Variants in UFL1 observed in about 807,000 individuals in gnomAD.
UFL1 encodes UFM1 specific ligase 1.
UFL1 carries 78 observed loss-of-function variants against 99.3 expected under a neutral mutation model. That is an observed-to-expected ratio of 0.79 (90% confidence interval 0.65 to 0.95). The LOEUF (loss-of-function observed/expected upper bound fraction) is 0.95, where lower values mean the gene tolerates loss of function less well. Among genes scored for constraint, UFL1 ranks in the 40% least tolerant of loss-of-function variants. The pLI is 0.00. For missense variants in UFL1, 936 were observed against 937.0 expected, an observed-to-expected ratio of 1.00 and a Z score of 0.01; for synonymous variants, 335 against 322.2, an observed-to-expected ratio of 1.04 and a Z score of -0.42.
intron 9 of UFL1, among the ~76,000 whole-genome samples, chr6:96,538,269 G>A (rs1190594640): frequency 6.6e-6 from 1 of 151,814 alleles, no homozygotes; most frequent in African/African-American, 2.4e-5. Flanking sequence ...GATAATTTCA[G>A]ATAGGAGAAA....
chr6:96,553,678 A>G lies in UFL1; in HGVS notation c.*175A>G. The G allele has an allele frequency of 2.2e-6, 1 of 446,994 alleles. No homozygotes were observed. Among genetic ancestry groups the G allele is most frequent in the African/African-American group, 2.0e-5 (1 of 50,288 alleles). The allele number at this position is 446,994 out of a possible 1,614,324, so 27.7% of individuals were successfully genotyped here. A position where few individuals can be genotyped will look rare whatever the true frequency, so the allele number is the denominator to read the frequency against. ...TAAATGTAAATCTTAAAAAGATGTG[A>G]ATTTTTGTAAATTGGGTTCTTCATG... On this transcript the variant is annotated 3_prime_UTR_variant, in exon 19 of 19. Transcript: ENST00000369278.
chr6:96,552,464 G>C lies in UFL1; in HGVS notation c.1986-18G>C. ...TTAAATTATGATAATGAATTTGTGTGCTTTTTTTTTTTTTTAGACAGATAC... is the reference window on the plus strand; with the variant it reads ...TTAAATTATGATAATGAATTTGTGTCCTTTTTTTTTTTTTTAGACAGATAC... On this transcript the variant is annotated intron_variant, in intron 17 of 18. Transcript: ENST00000369278. The C allele has an allele frequency of 6.9e-7, 1 of 1,448,460 alleles. No individual in the cohort carries two copies. Among genetic ancestry groups the C allele is most frequent in the South Asian group, 1.3e-5 (1 of 77,654 alleles). The allele number at this position is 1,448,460 out of a possible 1,614,324, so 89.7% of individuals were successfully genotyped here.
chr6:96,547,809 G>C (rs909415712), intron 12 of UFL1, among the ~76,000 whole-genome samples: 1 of 145,234 alleles, frequency 6.9e-6, no homozygotes, highest in East Asian at 2.0e-4. Context: ...AAGGGAAGTT[G>C]GGGGGGGGCG....
At position 96,540,216 on chromosome 6, in the gene UFL1, T is replaced by C. The variant is rs535661176; in HGVS notation, c.1159-319T>C. Reference sequence around the variant, plus strand: ...TCAAAAAGCGAAGGAGCATGGGGCATCAATTAAGCTGTGGTAAAACCAGCC... The same window carrying C: ...TCAAAAAGCGAAGGAGCATGGGGCACCAATTAAGCTGTGGTAAAACCAGCC... On this transcript the variant is annotated intron_variant, in intron 10 of 18. Transcript: ENST00000369278. 1.8e-4 allele frequency among the ~76,000 whole-genome samples: 28 copies of C among 151,538 alleles called. 1 individual carries two copies. The South Asian group carries it at 5.6e-3, about 30-fold the overall frequency.
In UFL1 at chr6:96,523,185, G is replaced by A; in HGVS notation, c.117G>A (p.Leu39=). 6.2e-7 allele frequency: 1 copy of A among 1,612,458 alleles called. No homozygotes were observed. The highest frequency in any genetic ancestry group is 8.5e-7 in the Non-Finnish European group (1 of 1,179,264). The change falls in exon 2 of 19, where the codon TTG becomes TTA. Residue 39 remains leucine, a synonymous_variant. Coordinates refer to ENST00000369278, the MANE Select transcript of UFL1 (RefSeq NM_015323.5). Reference sequence around the variant, plus strand: ...ACTGCATTGAGATTGTTAATAAATTGATTGCTCAGAAACAGCTAGAAGTAG... The same window carrying A: ...ACTGCATTGAGATTGTTAATAAATTAATTGCTCAGAAACAGCTAGAAGTAG... ...ERNCIEIVNK[L]IAQKQLEVVH...
At chr6:96,539,612 T>C (rs1042351003) in intron 10 of UFL1, among the ~76,000 whole-genome samples, 12 of 151,600 alleles carry the variant, frequency 7.9e-5, no homozygotes, top group African/African-American at 2.9e-4. Context: ...TGTATGACTT[T>C]GGACAAATAG....
chr6:96,525,439 C>A, intron 4 of UFL1, 45 bp downstream of exon 4: 5 of 1,464,894 alleles, frequency 3.4e-6, no homozygotes, highest in Non-Finnish European at 4.7e-6. Flanking sequence ...TGTTTATTTT[C>A]TTTCTTTTTT....
intron 13 of UFL1, among the ~76,000 whole-genome samples, chr6:96,548,707 A>G (rs2127953199): frequency 6.6e-6 from 1 of 151,876 alleles, no homozygotes; most frequent in East Asian, 1.9e-4. Flanking sequence ...ATTCACTTCA[A>G]AAAGAATAAA....
At chr6:96,549,930 G>GT (rs1770054790) in intron 15 of UFL1, 131 bp downstream of exon 15, 1 of 1,292,680 alleles carries the variant, frequency 7.7e-7, no homozygotes, top group South Asian at 1.5e-5. Context: ...AAATCTAAAA[G>GT]TTTTTTATTC....
Position 96,546,377 on chromosome 6 carries a change from A to G in UFL1, c.1403-1787A>G, listed in dbSNP as rs80340649. 5.1e-3 allele frequency among the ~76,000 whole-genome samples: 778 copies of G among 151,484 alleles called. 11 individuals are homozygous for G. Among genetic ancestry groups the G allele is most frequent in the African/African-American group, 0.018 (739 of 41,472 alleles). ...GAAAGAAATCGTAGATGACACAAAC[A>G]AATAGAAAGACACCCCAGGCTCATG... On this transcript the variant is annotated intron_variant, in intron 12 of 18. Coordinates refer to ENST00000369278, the MANE Select transcript of UFL1 (RefSeq NM_015323.5).
At chr6:96,547,015 T>G (rs146263224) in intron 12 of UFL1, among the ~76,000 whole-genome samples, 1 of 151,780 alleles carries the variant, frequency 6.6e-6, no homozygotes, top group African/African-American at 2.4e-5. Context: ...ACTAAAAAGT[T>G]TCTGCACAGC....
rs935199510 is a variant in UFL1, at chr6:96,523,204, G to T, written c.136G>T (p.Glu46Ter). ...TAAATTGATTGCTCAGAAACAGCTA[G>T]AAGTAGTTCATACACTCGATGGAAA... ...VNKLIAQKQL[E>*]VVHTLDGKEY... Residue 46 changes from glutamate to a stop codon, truncating the protein, a stop_gained, in exon 2 of 19, where the codon GAA becomes TAA. Coordinates refer to ENST00000369278, the MANE Select transcript of UFL1 (RefSeq NM_015323.5). LOFTEE classifies it high-confidence loss of function. 1 of 1,613,288 alleles carries T rather than the reference G, an allele frequency of 6.2e-7. No homozygotes were observed. The highest frequency in any genetic ancestry group is 1.3e-5 in the African/African-American group (1 of 74,850).
Position 96,551,566 on chromosome 6 carries a change from G to T in UFL1, c.1899+53G>T, listed in dbSNP as rs574949995. On this transcript the variant is annotated intron_variant, in intron 16 of 18. Coordinates refer to ENST00000369278, the MANE Select transcript of UFL1 (RefSeq NM_015323.5). ...GTCAGGGCTAGCAGTTTGTTACAAAGATCTTTGAGTAGATTTTTTTATCAG... is the reference window on the plus strand; with the variant it reads ...GTCAGGGCTAGCAGTTTGTTACAAATATCTTTGAGTAGATTTTTTTATCAG... The T allele has an allele frequency of 4.7e-5, 58 of 1,226,600 alleles. No homozygotes were observed. The African/African-American group carries it at 8.1e-4, about 17-fold the overall frequency. 76.0% of individuals were successfully genotyped at this position (1,226,600 alleles called of 1,614,324 possible).
intron 1 of UFL1, among the ~76,000 whole-genome samples, chr6:96,522,204 T>A (rs1008108230): frequency 4.6e-5 from 7 of 152,116 alleles, no homozygotes; most frequent in African/African-American, 1.7e-4. Context: ...CGCCCCACCA[T>A]GGACGGGGCC....
rs1237139365 is a variant in UFL1 at position 96,534,272 on chromosome 6, T to G, written c.606T>G (p.Ala202=). 8 of 1,577,788 alleles carry G rather than the reference T, an allele frequency of 5.1e-6. No individual in the cohort carries two copies. The East Asian group carries it at 1.6e-4, about 31-fold the overall frequency. Residue 202 remains alanine, a synonymous_variant, in exon 7 of 19, where the codon GCT becomes GCG. Transcript: ENST00000369278. The part of the protein sequence containing the change: ...GLFSAITRPT[A]VNSLISKYGF... ...TTAACTTTCCATAAAGGCCTACAGC[T>G]GTGAATTCTTTGATTTCAAAATATG...
At chr6:96,539,773 TA>T (rs1769904749) in intron 10 of UFL1, among the ~76,000 whole-genome samples, 1 of 151,592 alleles carries the variant, frequency 6.6e-6, no homozygotes. Flanking sequence ...TTTACTCAAG[TA>T]AAAATTTAAC....
Position 96,523,276 on chromosome 6 carries a change from C to G in UFL1, c.208C>G (p.Leu70Val), listed in dbSNP as rs1769651511. 5.0e-6 allele frequency: 8 copies of G among 1,603,874 alleles called. No homozygotes were observed. Among genetic ancestry groups the G allele is most frequent in the Non-Finnish European group, 6.0e-6 (7 of 1,176,196 alleles). The change falls in exon 2 of 19, where the codon CTA (leucine) becomes GTA (valine). Residue 70 changes from leucine to valine, a missense_variant. Physicochemically the swap from Leu to Val is conservative, Grantham distance 32. Coordinates refer to ENST00000369278, the MANE Select transcript of UFL1 (RefSeq NM_015323.5). ...AQISKEMRDE[L>V]HVRGGRVNIV... ...AATTAGTAAAGAAATGAGAGATGAGCTACATGTCCGAGGTGGTAGGTAATT... is the reference window on the plus strand; with the variant it reads ...AATTAGTAAAGAAATGAGAGATGAGGTACATGTCCGAGGTGGTAGGTAATT...
chr6:96,540,228 T>C (rs1769911811), intron 10 of UFL1, among the ~76,000 whole-genome samples: 1 of 151,454 alleles, frequency 6.6e-6, no homozygotes, highest in Admixed American at 6.6e-5. Context: ...AATTAAGCTG[T>C]GGTAAAACCA....
intron 4 of UFL1, among the ~76,000 whole-genome samples, chr6:96,525,965 A>T (rs1000950850): frequency 2.0e-5 from 3 of 152,090 alleles, no homozygotes; most frequent in African/African-American, 7.2e-5. Context: ...TCGCACCTGT[A>T]GTCCCAGCTA....
Sources: allele counts gnomAD v4.1 joint callset (sites outside exome capture counted in the v4.1 genomes callset), GRCh38; gene constraint gnomAD v4.1.1; transcripts MANE v1.5; gene names NCBI Gene and HGNC (gene_info 2026-07-23, HGNC 2026-07-21).